The following LRP1B variants were observed in gnomAD, a reference collection of about 807,000 sequenced individuals.
LRP1B encodes the protein low-density lipoprotein receptor-related protein 1B.
In LRP1B, 217 loss-of-function variants were observed where a neutral mutation model predicts 556.6. The observed-to-expected ratio is 0.39, with a 90% CI of 0.35 to 0.44. LRP1B has a LOEUF of 0.44. LRP1B is among the 20% of genes least tolerant of loss of function. The probability of loss-of-function intolerance (pLI) is 1.00; values close to 1 mark genes in which losing one functional copy is unlikely to be tolerated. For synonymous variants in LRP1B, 2,047 were observed against 1,865.8 expected (o/e 1.10, Z -2.50); for missense variants, 5,053 against 5,620.8 (o/e 0.90, Z 3.23).
chr2:142,109,666 A>T (rs1330255351), intron 1 of LRP1B, among the ~76,000 whole-genome samples: 2 of 152,128 alleles, frequency 1.3e-5, no homozygotes, highest in Non-Finnish European at 2.9e-5. Context: ...CACTCTAATA[A>T]ATTATGCCCC....
intron 35 of LRP1B, among the ~76,000 whole-genome samples, chr2:140,722,337 T>C (rs1687432216): frequency 6.6e-6 from 1 of 152,236 alleles, no homozygotes; most frequent in South Asian, 2.1e-4. Flanking sequence ...TCATTTCTAC[T>C]GGATACCTAC....
chr2:141,507,782 A>G (rs1683984187), intron 2 of LRP1B, among the ~76,000 whole-genome samples: 2 of 152,262 alleles, frequency 1.3e-5, no homozygotes, highest in Middle Eastern at 3.4e-3. Flanking sequence ...TTTAAATATA[A>G]TATGCTTAAA....
chr2:140,464,126 G>A (rs776985929), intron 60 of LRP1B, among the ~76,000 whole-genome samples: 1 of 152,034 alleles, frequency 6.6e-6, no homozygotes, highest in Non-Finnish European at 1.5e-5. Flanking sequence ...AATCCGGGAG[G>A]CAGAGGTTGC....
intron 2 of LRP1B, among the ~76,000 whole-genome samples, chr2:141,753,247 A>ACTCT (rs144673424): frequency 2.0e-5 from 1 of 48,818 alleles, no homozygotes; most frequent in Admixed American, 1.8e-4. Context: ...AAACACACAC[A>ACTCT]CTCTCTCTCT....
intron 25 of LRP1B, among the ~76,000 whole-genome samples, chr2:140,872,757 G>C (rs894977335): frequency 1.1e-4 from 17 of 151,406 alleles, no homozygotes; most frequent in African/African-American, 4.1e-4. Context: ...TTTCACCTTA[G>C]TTGTTTCCTT....
intron 15 of LRP1B, 138 bp from the exon 16 acceptor site, chr2:140,994,273 C>G: frequency 1.4e-6 from 1 of 695,618 alleles, no homozygotes; most frequent in Non-Finnish European, 2.4e-6. Flanking sequence ...CTCTGTCTAC[C>G]TTATTTTACT....
At chr2:140,969,117 G>T (rs181687559) in intron 18 of LRP1B, among the ~76,000 whole-genome samples, 1 of 152,288 alleles carries the variant, frequency 6.6e-6, no homozygotes, top group East Asian at 1.9e-4. Flanking sequence ...TCTGTCTAAT[G>T]TTAACAGTGG....
At chr2:141,207,498 G>T (rs1178672637) in intron 6 of LRP1B, among the ~76,000 whole-genome samples, 1 of 152,028 alleles carries the variant, frequency 6.6e-6, no homozygotes, top group Admixed American at 6.6e-5. Context: ...TTCTATAAAG[G>T]TTTCTTTGTT....
chr2:140,404,888 C>T (rs55691125), intron 66 of LRP1B, among the ~76,000 whole-genome samples: 17,135 of 152,164 alleles, frequency 0.11, 1,084 homozygotes, highest in African/African-American at 0.17. Context: ...TAACAGATTT[C>T]TACAAGACAT....
intron 41 of LRP1B, among the ~76,000 whole-genome samples, chr2:140,672,426 G>A (rs932412347): frequency 8.3e-5 from 12 of 143,752 alleles, no homozygotes; most frequent in African/African-American, 3.1e-4. Context: ...AGAGGTTGCA[G>A]TGAGCAGAAA....
At chr2:141,879,862 T>C (rs1698895467) in intron 1 of LRP1B, among the ~76,000 whole-genome samples, 1 of 152,042 alleles carries the variant, frequency 6.6e-6, no homozygotes, top group South Asian at 2.1e-4. Flanking sequence ...TCCATTCTGC[T>C]TTCTTATCCC....
At chr2:140,820,481 C>T (rs976842900) in intron 31 of LRP1B, among the ~76,000 whole-genome samples, 7 of 152,170 alleles carry the variant, frequency 4.6e-5, no homozygotes, top group African/African-American at 1.7e-4. Context: ...CCTAACATAA[C>T]TCATTTTGCC....
Position 140,291,320 on chromosome 2 carries a change from T to TATATATGTATATATA in LRP1B, c.12967+6487_12967+6488insTATATATACATATAT, listed in dbSNP as rs745524571. Among the ~76,000 whole-genome samples the TATATATGTATATATA allele has an allele frequency of 5.8e-5, 3 of 51,850 alleles. 1 individual carries two copies. Among genetic ancestry groups the TATATATGTATATATA allele is most frequent in the Non-Finnish European group, 7.7e-5 (2 of 25,854 alleles). 34.0% of individuals were successfully genotyped at this position (51,850 alleles called of 152,430 possible). A position where few individuals can be genotyped will look rare whatever the true frequency, so the allele number is the denominator to read the frequency against. On this transcript the variant is annotated intron_variant, in intron 84 of 90. Coordinates refer to ENST00000389484, the MANE Select transcript of LRP1B (RefSeq NM_018557.3). ...ATTTTATATATATATATATATATATTTTTATTATACTTTAAGTTCTAGGGT... is the reference window on the plus strand; with the variant it reads ...ATTTTATATATATATATATATATATTATATATGTATATATATTTATTATACTTTAAGTTCTAGGGT...
At chr2:140,661,259 T>G (rs576764287) in intron 41 of LRP1B, among the ~76,000 whole-genome samples, 47 of 152,200 alleles carry the variant, frequency 3.1e-4, no homozygotes, top group African/African-American at 1.1e-3. Context: ...GAAAAGCAGA[T>G]AGGCCCAATT....
At chr2:141,989,255 A>G (rs1318575546) in intron 1 of LRP1B, among the ~76,000 whole-genome samples, 1 of 129,016 alleles carries the variant, frequency 7.8e-6, no homozygotes, top group Non-Finnish European at 1.6e-5. Flanking sequence ...ACTTGTTTAA[A>G]GTTTTTTCTA....
intron 25 of LRP1B, among the ~76,000 whole-genome samples, chr2:140,878,056 G>A (rs78441701): frequency 1.5e-4 from 23 of 152,192 alleles, no homozygotes; most frequent in East Asian, 7.7e-4. Context: ...TTTATTGTTC[G>A]ATAATGAAAT....
At chr2:140,263,756 A>C (rs960535192) in intron 86 of LRP1B, among the ~76,000 whole-genome samples, 17 of 151,600 alleles carry the variant, frequency 1.1e-4, no homozygotes, top group Middle Eastern at 6.9e-3. Context: ...CACCAGAAAT[A>C]ACGTTAACAT....
intron 84 of LRP1B, among the ~76,000 whole-genome samples, chr2:140,287,681 C>T (rs918974953): frequency 6.6e-6 from 1 of 150,610 alleles, no homozygotes; most frequent in Non-Finnish European, 1.5e-5. Flanking sequence ...AGTCACTTGA[C>T]CTTTGAACTA....
At chr2:141,298,727 G>T (rs1573771722) in intron 3 of LRP1B, among the ~76,000 whole-genome samples, 1 of 152,130 alleles carries the variant, frequency 6.6e-6, no homozygotes, top group East Asian at 1.9e-4. Context: ...GGCCGAGGTG[G>T]GTGGATCACC....
Sources: gnomAD v4.1 joint callset for allele counts (sites outside exome capture counted in the v4.1 genomes callset) on GRCh38, gnomAD v4.1.1 for gene constraint, MANE v1.5 for transcripts, NCBI Gene and HGNC (gene_info 2026-07-23, HGNC 2026-07-21) for gene names.